The following ASTN2 variants were observed in gnomAD, a reference collection of about 807,000 sequenced individuals.
ASTN2 encodes astrotactin 2, also known as astrotactin-2.
Under a neutral mutation model 139.8 loss-of-function variants are expected in ASTN2, and 54 were observed. The ratio of observed to expected loss-of-function variants is 0.39; its 90% CI spans 0.31 to 0.48. ASTN2 has a LOEUF of 0.48. ASTN2 is among the 20% of genes least tolerant of loss of function. The pLI, the probability that ASTN2 is intolerant of heterozygous loss-of-function variation, is 0.95. For synonymous variants in ASTN2, 756 were observed against 719.5 expected, an observed-to-expected ratio of 1.05 and a Z score of -0.81; for missense variants, 1,565 against 1,725.1, an observed-to-expected ratio of 0.91 and a Z score of 1.64.
At chr9:117,002,566 T>C (rs1837223102) in intron 7 of ASTN2, among the ~76,000 whole-genome samples, 2 of 152,208 alleles carry the variant, frequency 1.3e-5, no homozygotes, top group African/African-American at 4.8e-5. Flanking sequence ...CCAGTTTTTC[T>C]AGATCTGCAA....
At chr9:116,725,393 C>G (rs892981358) in intron 16 of ASTN2, among the ~76,000 whole-genome samples, 1 of 151,666 alleles carries the variant, frequency 6.6e-6, no homozygotes, top group Admixed American at 6.6e-5. Flanking sequence ...TTGGGTTCTC[C>G]CAAGAAGCCT....
chr9:117,204,725 C>T (rs1419849061), intron 3 of ASTN2, among the ~76,000 whole-genome samples: 1 of 152,148 alleles, frequency 6.6e-6, no homozygotes. Flanking sequence ...CACAGCAAAT[C>T]TATGACCTGG....
intron 2 of ASTN2, among the ~76,000 whole-genome samples, chr9:117,265,359 G>C (rs1833917236): frequency 6.6e-6 from 1 of 152,202 alleles, no homozygotes; most frequent in Admixed American, 6.5e-5. Flanking sequence ...TGAGGCATCT[G>C]TTAACCAACT....
At chr9:116,497,796 T>A (rs1282262192) in intron 19 of ASTN2, among the ~76,000 whole-genome samples, 1 of 152,188 alleles carries the variant, frequency 6.6e-6, no homozygotes, top group South Asian at 2.1e-4. Context: ...CAGTGTGAGT[T>A]CACTGCCTTT....
At chr9:117,254,942 T>C (rs947432198) in intron 2 of ASTN2, among the ~76,000 whole-genome samples, 1 of 152,250 alleles carries the variant, frequency 6.6e-6, no homozygotes, top group Non-Finnish European at 1.5e-5. Context: ...TTAAATTGTT[T>C]CAACCCATCT....
intron 2 of ASTN2, among the ~76,000 whole-genome samples, chr9:117,270,616 G>C (rs1834041444): frequency 6.6e-6 from 1 of 152,092 alleles, no homozygotes; most frequent in Non-Finnish European, 1.5e-5. Context: ...AGGATGTTTG[G>C]TCTCACCATT....
intron 20 of ASTN2, among the ~76,000 whole-genome samples, chr9:116,457,012 C>T (rs1293445846): frequency 1.3e-5 from 2 of 152,076 alleles, no homozygotes; most frequent in African/African-American, 2.4e-5. Context: ...ACACATATAT[C>T]AACAGAATAG....
chr9:117,127,905 C>T (rs992274132), intron 4 of ASTN2, among the ~76,000 whole-genome samples: 10 of 151,948 alleles, frequency 6.6e-5, no homozygotes, highest in African/African-American at 2.4e-4. Flanking sequence ...TGGTCTCCAT[C>T]TCCTGACCTC....
intron 1 of ASTN2, among the ~76,000 whole-genome samples, chr9:117,346,660 T>C (rs1235143340): frequency 2.6e-5 from 4 of 152,192 alleles, no homozygotes; most frequent in African/African-American, 7.2e-5. Flanking sequence ...TGTACCATCA[T>C]ATGTGAAGTG....
At chr9:116,683,336 T>C (rs2132027245) in intron 16 of ASTN2, among the ~76,000 whole-genome samples, 1 of 152,286 alleles carries the variant, frequency 6.6e-6, no homozygotes, top group Middle Eastern at 3.4e-3. Context: ...GAAACTTCTA[T>C]AATTCTGATA....
chr9:117,261,277 G>A (rs1833815849), intron 2 of ASTN2, among the ~76,000 whole-genome samples: 1 of 152,188 alleles, frequency 6.6e-6, no homozygotes, highest in Non-Finnish European at 1.5e-5. Context: ...TAGGCAAGTT[G>A]AGGGTGTGTA....
intron 20 of ASTN2, among the ~76,000 whole-genome samples, chr9:116,457,211 T>TA (rs370915964): frequency 9.2e-5 from 14 of 152,090 alleles, no homozygotes; most frequent in Admixed American, 2.6e-4. Flanking sequence ...TCAAAATAAT[T>TA]AAAAAAGTTA....
At chr9:116,447,149 G>A (rs1260980275) in intron 20 of ASTN2, among the ~76,000 whole-genome samples, 4 of 152,040 alleles carry the variant, frequency 2.6e-5, no homozygotes, top group African/African-American at 9.7e-5. Flanking sequence ...TCCACCAGTG[G>A]CACTCTCTGG....
intron 1 of ASTN2, among the ~76,000 whole-genome samples, chr9:117,380,550 A>G (rs1183723060): frequency 6.6e-6 from 1 of 150,780 alleles, no homozygotes; most frequent in African/African-American, 2.4e-5. Context: ...GGTTGCAGTG[A>G]GCTGAGATCA....
chr9:117,123,948 A>G (rs1221259031), intron 4 of ASTN2, among the ~76,000 whole-genome samples: 1 of 152,184 alleles, frequency 6.6e-6, no homozygotes, highest in African/African-American at 2.4e-5. Flanking sequence ...TGATGTCACC[A>G]CAGCAGTTAA....
In ASTN2 at chr9:116,423,816, T is replaced by A. The variant is rs557532874; in HGVS notation, c.*2035A>T. On this transcript the variant is annotated 3_prime_UTR_variant, in exon 23 of 23. Coordinates refer to ENST00000313400, the MANE Select transcript of ASTN2 (RefSeq NM_001365068.1). ...TGGATTGAAGTCCTGGGGAAAAAAATGCGCTCAATATGTAGGTTATCAGGA... is the reference window on the plus strand; with the variant it reads ...TGGATTGAAGTCCTGGGGAAAAAAAAGCGCTCAATATGTAGGTTATCAGGA... Among the ~76,000 whole-genome samples the A allele has an allele frequency of 6.6e-6, 1 of 152,188 alleles. No homozygotes were observed. Among genetic ancestry groups the A allele is most frequent in the Non-Finnish European group, 1.5e-5 (1 of 68,044 alleles).
In ASTN2 at chr9:117,000,608, A is replaced by T. The variant is rs147759990; in HGVS notation, c.1591+7484T>A. Among the ~76,000 whole-genome samples, 117 of 152,324 alleles carry T rather than the reference A, an allele frequency of 7.7e-4. No homozygotes were observed. The East Asian group carries it at 0.014, about 18-fold the overall frequency. On this transcript the variant is annotated intron_variant, in intron 7 of 22. Coordinates refer to ENST00000313400, the MANE Select transcript of ASTN2 (RefSeq NM_001365068.1). ...TGCATTTTACTGGACCAGAGCAAGT[A>T]GTCCTTGGATGTTCACTTTCTGTCC...
chr9:117,068,775 G>T (rs1307497740), intron 5 of ASTN2, among the ~76,000 whole-genome samples: 1 of 132,802 alleles, frequency 7.5e-6, no homozygotes, highest in African/African-American at 2.6e-5. Context: ...ATTTCTTCTA[G>T]ATTTTCTAGT....
intron 10 of ASTN2, among the ~76,000 whole-genome samples, chr9:116,906,413 C>T (rs1048942193): frequency 4.6e-5 from 7 of 151,332 alleles, no homozygotes; most frequent in Admixed American, 2.0e-4. Flanking sequence ...CTGTGCTTTT[C>T]GGGAGAAGCA....
Sources: allele counts gnomAD v4.1 joint callset (sites outside exome capture counted in the v4.1 genomes callset), GRCh38; gene constraint gnomAD v4.1.1; transcripts MANE v1.5; gene names NCBI Gene and HGNC (gene_info 2026-07-23, HGNC 2026-07-21).